Variants in URB2 observed in about 807,000 individuals in gnomAD.
URB2 encodes URB2 ribosome biogenesis homolog, also known as unhealthy ribosome biogenesis protein 2 homolog.
A neutral mutation model predicts 120.9 loss-of-function variants in URB2; 86 were observed. The observed-to-expected ratio is 0.71, with a 90% CI of 0.60 to 0.85. The LOEUF (loss-of-function observed/expected upper bound fraction) is 0.85. URB2 is among the 40% of genes least tolerant of loss of function. The probability of loss-of-function intolerance (pLI) is 0.00; values close to 1 mark genes in which losing one functional copy is unlikely to be tolerated. For synonymous variants in URB2, 755 were observed against 758.4 expected (o/e 1.00, Z 0.07); for missense variants, 1,765 against 1,836.5 (o/e 0.96, Z 0.71).
At position 229,637,666 on chromosome 1, in the gene URB2, G is replaced by C. The variant is rs147072129; in HGVS notation, c.3053G>C (p.Ser1018Thr). 18 of 1,614,126 alleles carry C rather than the reference G, an allele frequency of 1.1e-5. No individual in the cohort carries two copies. The highest frequency in any genetic ancestry group is 1.4e-5 in the Non-Finnish European group (17 of 1,180,054). ...CAGATGCTCATCCAAATGAAGCTGA[G>C]CTTGGTGCTCAATTTTAGAAAAATC... Reference protein sequence around the residue: ...LMQMLIQMKLSLVLNFRKITA... With the variant: ...LMQMLIQMKLTLVLNFRKITA... The change falls in exon 4 of 10, where the codon AGC becomes ACC. Residue 1018 changes from serine to threonine, a missense_variant. Coordinates refer to ENST00000258243, the MANE Select transcript of URB2 (RefSeq NM_014777.4).
Position 229,647,685 on chromosome 1 carries a change from T to A in URB2, c.4082T>A (p.Leu1361Gln). 6.2e-7 allele frequency: 1 copy of A among 1,614,144 alleles called. No homozygotes were observed. Among genetic ancestry groups the A allele is most frequent in the Non-Finnish European group, 8.5e-7 (1 of 1,180,018 alleles). ...GTCCCTTTGGACCATCTGAAGCCGC[T>A]GGAGTATGGAAGCGTCTTCCCGAGG... ...LTVPLDHLKP[L>Q]EYGSVFPRLH... Residue 1361 changes from leucine (L) to glutamine (Q), a missense_variant, in exon 7 of 10, where the codon CTG becomes CAG. By Grantham distance (113) the Leu-to-Gln change is moderately radical (BLOSUM62 -2). Coordinates refer to ENST00000258243, the MANE Select transcript of URB2 (RefSeq NM_014777.4).
intron 9 of URB2, among the ~76,000 whole-genome samples, chr1:229,654,996 A>G (rs1666373548): frequency 6.6e-6 from 1 of 152,182 alleles, no homozygotes; most frequent in Admixed American, 6.5e-5. Flanking sequence ...GGCTTAATGG[A>G]GACTAGAAAG....
intron 7 of URB2, among the ~76,000 whole-genome samples, chr1:229,650,105 A>T (rs901752654): frequency 1.3e-5 from 2 of 152,176 alleles, no homozygotes; most frequent in Admixed American, 6.5e-5. Context: ...TGTTGGACAG[A>T]TTATGCCAAA....
Position 229,634,693 on chromosome 1 carries a change from G to A in URB2, c.304-224G>A, listed in dbSNP as rs536531398. Among the ~76,000 whole-genome samples, 9 of 152,254 alleles carry A rather than the reference G, an allele frequency of 5.9e-5. No homozygotes were observed. The South Asian group carries it at 1.9e-3, about 32-fold the overall frequency. On this transcript the variant is annotated intron_variant, in intron 3 of 9. Transcript: ENST00000258243. Reference sequence around the variant, plus strand: ...AAGGCACGGATCCTTTTCTAGATTTGCATTGGTAGAAGATGGATGGGTGGA... The same window carrying A: ...AAGGCACGGATCCTTTTCTAGATTTACATTGGTAGAAGATGGATGGGTGGA...
At chr1:229,639,890 C>G (rs28669190) in intron 4 of URB2, among the ~76,000 whole-genome samples, 5,161 of 152,178 alleles carry the variant, frequency 0.034, 318 homozygotes, top group African/African-American at 0.12. Context: ...TTACAGCCCC[C>G]CTGGTGAAAG....
chr1:229,637,242 C>T lies in URB2; in HGVS notation c.2629C>T (p.Leu877=). The stretch of plus-strand genomic sequence containing the variant: ...AGAAATTGCCCAGAACTTACTGTCC[C>T]TGGTCAAGAGTGACTTCCCTATCCA... The part of the protein sequence containing the change: ...RGEIAQNLLS[L]VKSDFPIQLE... Residue 877 remains leucine (L), a synonymous_variant, in exon 4 of 10, where the codon CTG becomes TTG. Coordinates refer to ENST00000258243, the MANE Select transcript of URB2 (RefSeq NM_014777.4). The T allele has an allele frequency of 1.2e-6, 2 of 1,613,902 alleles. No individual in the cohort carries two copies. The highest frequency in any genetic ancestry group is 4.5e-5 in the East Asian group (2 of 44,880).
At chr1:229,634,794 G>A (rs554494250) in intron 3 of URB2, 123 bp from the exon 4 acceptor site, 64 of 863,828 alleles carry the variant, frequency 7.4e-5, no homozygotes, top group Non-Finnish European at 1.0e-4. Context: ...GGTAATCTGG[G>A]CATTTCTTTC....
intron 2 of URB2, among the ~76,000 whole-genome samples, chr1:229,629,504 A>G (rs1012345187): frequency 6.6e-6 from 1 of 152,252 alleles, no homozygotes; most frequent in South Asian, 2.1e-4. Context: ...CCTAGTGCAT[A>G]TAAAATTTAT....
chr1:229,656,002 G>T (rs1380899392), intron 9 of URB2, among the ~76,000 whole-genome samples: 3 of 152,230 alleles, frequency 2.0e-5, no homozygotes, highest in Non-Finnish European at 4.4e-5. Flanking sequence ...TGTGGGTGGG[G>T]ACATGGGGGC....
chr1:229,637,571 T>C lies in URB2; in HGVS notation c.2958T>C (p.Leu986=), dbSNP rs757311516. 4.3e-6 allele frequency: 7 copies of C among 1,614,220 alleles called. No individual in the cohort carries two copies. The Admixed American group carries it at 1.2e-4, about 27-fold the overall frequency. Residue 986 remains leucine (L), a synonymous_variant, in exon 4 of 10, where the codon CTT becomes CTC. Transcript: ENST00000258243. ...TGTTCAGAGCTAGTAGTAGGTTCCT[T>C]ATTGAGATGGATGATCCCGCTTGGC... The part of the protein sequence containing the change: ...TSLFRASSRF[L]IEMDDPAWLE...
chr1:229,643,454 G>A (rs1270566482), intron 4 of URB2, 79 bp from the exon 5 acceptor site: 1 of 1,542,086 alleles, frequency 6.5e-7, no homozygotes, highest in East Asian at 2.2e-5. Flanking sequence ...CCACAGCTGT[G>A]CGCAGTTTCA....
chr1:229,639,616 G>T (rs772113944), intron 4 of URB2, among the ~76,000 whole-genome samples: 1 of 152,172 alleles, frequency 6.6e-6, no homozygotes, highest in East Asian at 1.9e-4. Context: ...GATTACAGGC[G>T]TGAGCCACCA....
intron 9 of URB2, among the ~76,000 whole-genome samples, chr1:229,657,440 G>A (rs1401458683): frequency 6.6e-6 from 1 of 152,170 alleles, no homozygotes; most frequent in African/African-American, 2.4e-5. Context: ...TCTTAGCGCT[G>A]CCAGTTATTA....
chr1:229,641,471 C>CCAGG (rs1053244899), intron 4 of URB2, among the ~76,000 whole-genome samples: 9 of 152,272 alleles, frequency 5.9e-5, no homozygotes, highest in African/African-American at 1.9e-4. Context: ...GTTGCTGTGT[C>CCAGG]CAGGCCTCTT....
At chr1:229,655,099 G>A (rs1034760995) in intron 9 of URB2, among the ~76,000 whole-genome samples, 1 of 152,194 alleles carries the variant, frequency 6.6e-6, no homozygotes, top group South Asian at 2.1e-4. Flanking sequence ...TGACTCAGCT[G>A]CTCTCAGACA....
chr1:229,654,451 C>T, intron 9 of URB2, 63 bp downstream of exon 9: 1 of 1,602,594 alleles, frequency 6.2e-7, no homozygotes, highest in Non-Finnish European at 8.5e-7. Flanking sequence ...CAGGGTTTCT[C>T]AACCAAAATG....
In URB2 at chr1:229,627,695, A is replaced by G; in HGVS notation, c.62A>G (p.Asp21Gly). ...KLKSKTTSWEDKLKLAHFAWI... is the reference protein window; with the variant it reads ...KLKSKTTSWEGKLKLAHFAWI... Reference sequence around the variant, plus strand: ...AAAAGCAAGACAACTTCCTGGGAAGATAAACTAAAACTAGCTCACTTTGCT... The same window carrying G: ...AAAAGCAAGACAACTTCCTGGGAAGGTAAACTAAAACTAGCTCACTTTGCT... The change falls in exon 2 of 10, where the codon GAT becomes GGT. Residue 21 changes from aspartate to glycine, a missense_variant. Coordinates refer to ENST00000258243, the MANE Select transcript of URB2 (RefSeq NM_014777.4). 6.2e-7 allele frequency: 1 copy of G among 1,613,620 alleles called. No individual in the cohort carries two copies. Among genetic ancestry groups the G allele is most frequent in the Non-Finnish European group, 8.5e-7 (1 of 1,179,730 alleles).
Position 229,634,934 on chromosome 1 carries a change from A to G in URB2, c.321A>G (p.Val107=), listed in dbSNP as rs1011778334. 1 of 1,531,112 alleles carries G rather than the reference A, an allele frequency of 6.5e-7. No homozygotes were observed. The highest frequency in any genetic ancestry group is 2.1e-5 in the Admixed American group (1 of 46,724). 94.8% of individuals were successfully genotyped at this position (1,531,112 alleles called of 1,614,324 possible). The change falls in exon 4 of 10, where the codon GTA becomes GTG. Residue 107 remains valine, a synonymous_variant. Transcript: ENST00000258243. ...ISLVKIINER[V]AEFSLSGSQR... is the part of the protein sequence containing the mutation. ...ATGTTCAGATCATCAATGAGAGAGTAGCTGAGTTCTCTCTTTCGGGATCCC... is the reference window on the plus strand; with the variant it reads ...ATGTTCAGATCATCAATGAGAGAGTGGCTGAGTTCTCTCTTTCGGGATCCC...
At chr1:229,654,576 T>C (rs1050822606) in intron 9 of URB2, among the ~76,000 whole-genome samples, 188 bp downstream of exon 9, 4 of 152,132 alleles carry the variant, frequency 2.6e-5, no homozygotes, top group South Asian at 2.1e-4. Flanking sequence ...CACTACAGCC[T>C]CGAACTCCTG....
Sources: allele counts gnomAD v4.1 joint callset (sites outside exome capture counted in the v4.1 genomes callset), GRCh38; gene constraint gnomAD v4.1.1; transcripts MANE v1.5; gene names NCBI Gene and HGNC (gene_info 2026-07-23, HGNC 2026-07-21).